The following FGF14 variants were observed in gnomAD, a reference collection of about 807,000 sequenced individuals.
The protein encoded by FGF14 is fibroblast growth factor homologous factor 4.
FGF14 carries 5 observed loss-of-function variants against 25.5 expected under a neutral mutation model. The observed-to-expected ratio is 0.20, with a 90% CI of 0.10 to 0.41. The LOEUF is 0.41. FGF14 is among the 10% of genes least tolerant of loss of function. The pLI is 1.00. For synonymous variants in FGF14, 138 were observed against 118.3 expected (o/e 1.17, Z -1.08); for missense variants, 222 against 320.1 (o/e 0.69, Z 2.34).
At chr13:102,373,098 G>C (rs1594980520) in intron 1 of FGF14, among the ~76,000 whole-genome samples, 1 of 152,174 alleles carries the variant, frequency 6.6e-6, no homozygotes, top group East Asian at 1.9e-4. Context: ...AAATGTAAAG[G>C]TACTCAAAAG....
intron 1 of FGF14, among the ~76,000 whole-genome samples, chr13:102,021,797 A>C (rs551241626): frequency 2.0e-5 from 3 of 152,194 alleles, no homozygotes; most frequent in African/African-American, 7.2e-5. Flanking sequence ...TGTATCTGAT[A>C]CAGGAGGCAG....
At chr13:102,100,748 A>T (rs1485265831) in intron 1 of FGF14, among the ~76,000 whole-genome samples, 1 of 152,230 alleles carries the variant, frequency 6.6e-6, no homozygotes, top group African/African-American at 2.4e-5. Context: ...ATTCTGCAAC[A>T]ATTTGTTAAG....
chr13:102,087,118 T>C (rs1163456386), intron 1 of FGF14, among the ~76,000 whole-genome samples: 1 of 152,222 alleles, frequency 6.6e-6, no homozygotes, highest in Non-Finnish European at 1.5e-5. Flanking sequence ...TGTAGTTCAT[T>C]AGATTAGCTG....
At position 102,213,947 on chromosome 13, in the gene FGF14, T is replaced by A. The variant is rs1594436335; in HGVS notation, c.208+187524A>T. Among the ~76,000 whole-genome samples, 6 of 152,326 alleles carry A rather than the reference T, an allele frequency of 3.9e-5. No individual in the cohort carries two copies. The East Asian group carries it at 1.2e-3, about 29-fold the overall frequency. The stretch of plus-strand genomic sequence containing the variant: ...CAGCCTCAAGAATGAGGAAGACTGA[T>A]GATACCTTTGGCCTGAGAAAGCCTC... On this transcript the variant is annotated intron_variant, in intron 1 of 4. Coordinates refer to the FGF14 transcript ENST00000376131.
At chr13:101,735,637 T>C (rs1269508613) in intron 3 of FGF14, among the ~76,000 whole-genome samples, 1 of 151,640 alleles carries the variant, frequency 6.6e-6, no homozygotes, top group Non-Finnish European at 1.5e-5. Context: ...AGAAATTGGG[T>C]TGGCTTCCCT....
chr13:102,161,566 GAAGA>G (rs1220880553), intron 1 of FGF14, among the ~76,000 whole-genome samples: 377 of 2,228 alleles, frequency 0.17, 65 homozygotes, highest in Middle Eastern at 0.25. Flanking sequence ...AACTTTCTGT[GAAGA>G]AAGAAAGAAG....
At chr13:102,129,197 C>T (rs2046079153) in intron 1 of FGF14, among the ~76,000 whole-genome samples, 1 of 152,098 alleles carries the variant, frequency 6.6e-6, no homozygotes, top group Non-Finnish European at 1.5e-5. Context: ...CTGTAGTGAG[C>T]TGAAAGCACA....
chr13:101,777,043 G>C (rs960585142), intron 3 of FGF14, among the ~76,000 whole-genome samples: 3 of 152,118 alleles, frequency 2.0e-5, no homozygotes, highest in African/African-American at 7.2e-5. Context: ...TTGGCTTCTA[G>C]TTATAGATGT....
chr13:101,873,410 C>T (rs1004793695), intron 2 of FGF14, among the ~76,000 whole-genome samples: 3 of 152,052 alleles, frequency 2.0e-5, no homozygotes, highest in Non-Finnish European at 4.4e-5. Flanking sequence ...GTCTTGAAAA[C>T]TTTTGTCATA....
chr13:102,343,323 G>A (rs1351925577), intron 1 of FGF14, among the ~76,000 whole-genome samples: 1 of 152,166 alleles, frequency 6.6e-6, no homozygotes, highest in Non-Finnish European at 1.5e-5. Context: ...GTCAATCCCT[G>A]GGGAGGATGA....
intron 3 of FGF14, among the ~76,000 whole-genome samples, chr13:101,738,972 ATG>A (rs1296887476): frequency 1.4e-5 from 2 of 138,952 alleles, no homozygotes; most frequent in African/African-American, 5.2e-5. Context: ...ATATATATAT[ATG>A]CCAATTGGTG....
At chr13:102,340,892 T>G (rs948664497) in intron 1 of FGF14, among the ~76,000 whole-genome samples, 2 of 152,226 alleles carry the variant, frequency 1.3e-5, no homozygotes, top group African/African-American at 4.8e-5. Flanking sequence ...AAGAAGGATT[T>G]GCTAATCAGC....
chr13:101,883,325 T>C lies in FGF14; in HGVS notation c.194-8029A>G, dbSNP rs9557750. Reference sequence around the variant, plus strand: ...TCAATCTTACAGACACATCTATCTCTAGAATTCTGCAACACAGCCACAGAA... The same window carrying C: ...TCAATCTTACAGACACATCTATCTCCAGAATTCTGCAACACAGCCACAGAA... On this transcript the variant is annotated intron_variant, in intron 1 of 4. Transcript: ENST00000376143. 7.5e-3 allele frequency among the ~76,000 whole-genome samples: 1,148 copies of C among 152,306 alleles called. 79 individuals are homozygous for C. In the East Asian group the frequency reaches 0.15, roughly 20 times the overall value.
At chr13:102,331,631 T>A (rs554518998) in intron 1 of FGF14, among the ~76,000 whole-genome samples, 1 of 152,308 alleles carries the variant, frequency 6.6e-6, no homozygotes, top group Non-Finnish European at 1.5e-5. Flanking sequence ...TTATTTCTCA[T>A]GCCATCTTTA....
chr13:102,014,457 G>C (rs1438479408), intron 1 of FGF14, among the ~76,000 whole-genome samples: 2 of 152,152 alleles, frequency 1.3e-5, no homozygotes, highest in African/African-American at 4.8e-5. Flanking sequence ...TGATAAGATT[G>C]TGTCTATATT....
In FGF14 at chr13:101,916,561, T is replaced by G. The variant is rs1340168811; in HGVS notation, c.85A>C (p.Arg29=). 1 of 1,612,496 alleles carries G rather than the reference T, an allele frequency of 6.2e-7. No individual in the cohort carries two copies. The highest frequency in any genetic ancestry group is 8.5e-7 in the Non-Finnish European group (1 of 1,179,626). The change falls in exon 1 of 5, where the codon AGG becomes CGG. Residue 29 remains arginine (R), a synonymous_variant. Transcript: ENST00000376143. ...QHWDRPSASR[R]RSSPSKNRGL... is the part of the protein sequence containing the mutation. The stretch of plus-strand genomic sequence containing the variant: ...CGGTTCTTGCTGGGGCTGCTCCGCC[T>G]CCTGCTGGCAGACGGCCGGTCCCAG...
chr13:102,242,600 T>C (rs2051659071), intron 1 of FGF14, among the ~76,000 whole-genome samples: 6 of 152,082 alleles, frequency 3.9e-5, no homozygotes, highest in Admixed American at 3.9e-4. Context: ...ACAGCATTGA[T>C]CCATTCCTGA....
At chr13:101,872,595 G>C (rs1052446318) in intron 2 of FGF14, among the ~76,000 whole-genome samples, 4 of 151,952 alleles carry the variant, frequency 2.6e-5, no homozygotes, top group Non-Finnish European at 5.9e-5. Context: ...TTTGCAATTT[G>C]CATAGGCCAG....
rs2034918040 is a variant in FGF14, at chr13:101,720,719, C to T, written c.*2112G>A. 6.6e-6 allele frequency: 1 copy of T among 151,318 alleles called. No individual in the cohort carries two copies. Among genetic ancestry groups the T allele is most frequent in the East Asian group, 1.9e-4 (1 of 5,176 alleles). The allele number at this position is 151,318 out of a possible 1,614,324, so 9.4% of individuals were successfully genotyped here. On this transcript the variant is annotated 3_prime_UTR_variant, in exon 5 of 5. Coordinates refer to ENST00000376143, the MANE Select transcript of FGF14 (RefSeq NM_004115.4). ...AAAATAATTGGTTAATGGAAGTTAT[C>T]TAATATATTTTAACTGTTCCTGTTA...
Sources: gnomAD v4.1 joint callset for allele counts (sites outside exome capture counted in the v4.1 genomes callset) on GRCh38, gnomAD v4.1.1 for gene constraint, MANE v1.5 for transcripts, NCBI Gene and HGNC (gene_info 2026-07-23, HGNC 2026-07-21) for gene names.